CIMAP1D: variants seen among roughly 807,000 people sequenced by gnomAD.
CIMAP1D encodes CIMAP1 family member D.
chr19:478,439 T>A, the CIMAP1D span, among the ~76,000 whole-genome samples: 1 of 100,322 alleles, frequency 1.0e-5, no homozygotes, highest in Admixed American at 8.6e-5. Flanking sequence ...GAAGACAGGA[T>A]GGGAAGCCGG....
chr19:469,318 AG>A, the CIMAP1D span, among the ~76,000 whole-genome samples: 1 of 151,430 alleles, frequency 6.6e-6, no homozygotes, highest in African/African-American at 2.4e-5. Context: ...CCTGGGCTCA[AG>A]CAATCCTCCC....
chr19:474,636 C>T, the CIMAP1D span: 2 of 1,567,106 alleles, frequency 1.3e-6, no homozygotes, highest in Non-Finnish European at 1.7e-6. Context: ...TCCAGGGTGG[C>T]CGTCCCACAG....
chr19:463,499 T>G, the CIMAP1D span: 1 of 365,036 alleles, frequency 2.7e-6, no homozygotes, highest in Admixed American at 4.6e-5. Context: ...CAGGCCCTAG[T>G]GGAGCTGGAC....
the CIMAP1D span, among the ~76,000 whole-genome samples, chr19:471,835 C>T: frequency 2.0e-5 from 3 of 152,090 alleles, no homozygotes; most frequent in Non-Finnish European, 4.4e-5. Context: ...CTCCGCCTCC[C>T]GGCTTCACGC....
At chr19:467,533 A>C in the CIMAP1D span, 437 of 787,730 alleles carry the variant, frequency 5.5e-4, 1 homozygote, top group African/African-American at 6.6e-3. Flanking sequence ...TGATCACTCC[A>C]AAGACTCTGC....
the CIMAP1D span, chr19:463,780 C>A: frequency 6.5e-7 from 1 of 1,530,970 alleles, no homozygotes; most frequent in Admixed American, 2.0e-5. Flanking sequence ...GCCCCTCCAG[C>A]CAAAGCCAGG....
chr19:485,114 G>T, the CIMAP1D span, among the ~76,000 whole-genome samples: 1 of 151,906 alleles, frequency 6.6e-6, no homozygotes, highest in African/African-American at 2.4e-5. Flanking sequence ...TCCTGGAAGG[G>T]CGGGTGCAAC....
chr19:478,828 C>A, the CIMAP1D span, among the ~76,000 whole-genome samples: 1 of 152,374 alleles, frequency 6.6e-6, no homozygotes, highest in South Asian at 2.1e-4. Flanking sequence ...GAGGTGACTC[C>A]GTTGGTGCTC....
the CIMAP1D span, among the ~76,000 whole-genome samples, chr19:475,976 C>T: frequency 7.1e-5 from 10 of 141,444 alleles, no homozygotes; most frequent in South Asian, 1.1e-3. Flanking sequence ...GGTTTCACCA[C>T]GCCTGGCTAA....
the CIMAP1D span, among the ~76,000 whole-genome samples, chr19:487,280 G>A: frequency 3.9e-5 from 6 of 152,282 alleles, no homozygotes; most frequent in East Asian, 3.9e-4. Context: ...AGGGGGCGGC[G>A]TGCGCTGCAA....
At chr19:481,498 T>TGGGAAGGAGGATG in the CIMAP1D span, among the ~76,000 whole-genome samples, 1 of 44,662 alleles carries the variant, frequency 2.2e-5, no homozygotes, top group Non-Finnish European at 4.3e-5. Flanking sequence ...GGAAGGATGA[T>TGGGAAGGAGGATG]GGGAAGGATG....
At chr19:464,073 G>GTGTTTGCGTCCGGGC in the CIMAP1D span, 1 of 1,568,678 alleles carries the variant, frequency 6.4e-7, no homozygotes, top group Non-Finnish European at 8.6e-7. Context: ...CTGGCGGTAG[G>GTGTTTGCGTCCGGGC]TGTTTGCGTC....
At chr19:464,872 A>C in the CIMAP1D span, among the ~76,000 whole-genome samples, 1 of 151,962 alleles carries the variant, frequency 6.6e-6, no homozygotes, top group East Asian at 1.9e-4. Context: ...GGGATTTGTA[A>C]ATGGATGGAT....
the CIMAP1D span, among the ~76,000 whole-genome samples, chr19:469,918 T>C: frequency 0.57 from 86,560 of 151,760 alleles, 28,097 homozygotes; most frequent in Non-Finnish European, 0.73. Context: ...CAGTGCCCCG[T>C]GAGAAATGAA....
chr19:474,627 C>G, the CIMAP1D span: 1 of 1,563,990 alleles, frequency 6.4e-7, no homozygotes, highest in Non-Finnish European at 8.7e-7. Context: ...GCACCGTTCT[C>G]CAGGGTGGCC....
the CIMAP1D span, chr19:472,432 G>C: frequency 3.2e-6 from 5 of 1,546,188 alleles, no homozygotes; most frequent in South Asian, 6.0e-5. Context: ...GGCGGGACTG[G>C]CCACCCTGGT....
At chr19:477,349 G>A in the CIMAP1D span, among the ~76,000 whole-genome samples, 4 of 152,030 alleles carry the variant, frequency 2.6e-5, no homozygotes, top group Non-Finnish European at 4.4e-5. Context: ...CGAGGCGGGC[G>A]GATCACTTGA....
the CIMAP1D span, among the ~76,000 whole-genome samples, chr19:484,118 T>TTTTTC: frequency 6.6e-6 from 1 of 151,216 alleles, no homozygotes; most frequent in Non-Finnish European, 1.5e-5. Flanking sequence ...TTTATTTATT[T>TTTTTC]TTTTCTTTTC....
At chr19:463,647 G>T in the CIMAP1D span, 1 of 786,484 alleles carries the variant, frequency 1.3e-6, no homozygotes, top group Non-Finnish European at 1.9e-6. Flanking sequence ...GACTCACCCT[G>T]CACCCTGCAC....
Sources: allele counts gnomAD v4.1 joint callset (sites outside exome capture counted in the v4.1 genomes callset), GRCh38; gene constraint gnomAD v4.1.1; transcripts MANE v1.5; gene names NCBI Gene and HGNC (gene_info 2026-07-23, HGNC 2026-07-21).